The following USH2A variants were observed in gnomAD, a reference collection of about 807,000 sequenced individuals.
The protein encoded by USH2A is usherin, also known as Usher syndrome 2A (autosomal recessive, mild).
Under a neutral mutation model 538.9 loss-of-function variants are expected in USH2A, and 443 were observed. That is an observed-to-expected ratio of 0.82 (90% CI 0.76 to 0.89). The LOEUF (loss-of-function observed/expected upper bound fraction) is 0.89. Ranked by LOEUF, USH2A falls within the 40% of genes least tolerant of loss-of-function variation. The pLI is 0.00. For synonymous variants in USH2A, 2,413 were observed against 2,273.5 expected, an observed-to-expected ratio of 1.06 and a Z score of -1.75; for missense variants, 6,633 against 6,324.8, an observed-to-expected ratio of 1.05 and a Z score of -1.65.
At chr1:216,158,985 T>A (rs1473300275) in intron 21 of USH2A, among the ~76,000 whole-genome samples, 2 of 152,208 alleles carry the variant, frequency 1.3e-5, no homozygotes, top group African/African-American at 4.8e-5. Flanking sequence ...CATGGTACTT[T>A]TAAACATTTC....
intron 58 of USH2A, among the ~76,000 whole-genome samples, chr1:215,753,204 C>T (rs1274822604): frequency 1.3e-5 from 2 of 152,100 alleles, no homozygotes; most frequent in Non-Finnish European, 2.9e-5. Flanking sequence ...CACTTTTACA[C>T]TGTTGGTGGG....
At chr1:216,060,339 A>G (rs1156552404) in intron 30 of USH2A, among the ~76,000 whole-genome samples, 1 of 152,230 alleles carries the variant, frequency 6.6e-6, no homozygotes, top group Non-Finnish European at 1.5e-5. Flanking sequence ...TTATTACAGT[A>G]GCCATGTAAA....
intron 54 of USH2A, among the ~76,000 whole-genome samples, chr1:215,780,628 T>G (rs538618292): frequency 6.6e-6 from 1 of 152,250 alleles, no homozygotes; most frequent in East Asian, 1.9e-4. Flanking sequence ...TGTCAAAACA[T>G]AGTTTTGGAC....
intron 35 of USH2A, among the ~76,000 whole-genome samples, chr1:215,978,282 T>A (rs1200406841): frequency 6.6e-6 from 1 of 152,162 alleles, no homozygotes; most frequent in Non-Finnish European, 1.5e-5. Context: ...TTAGAGGGGC[T>A]AACCCATTTT....
rs1432884333 is a variant in USH2A at position 216,393,529 on chromosome 1, T to A, written c.651+24985A>T. On this transcript the variant is annotated intron_variant, in intron 3 of 71. Transcript: ENST00000307340. ...TTTCCATGTGGCTTTTTATTATTTA[T>A]GAACTTAAACTCTTATGACTCTTGA... Among the ~76,000 whole-genome samples the A allele has an allele frequency of 2.6e-5, 4 of 152,322 alleles. No homozygotes were observed. In the East Asian group the frequency reaches 5.8e-4, roughly 22 times the overall value.
At chr1:215,804,800 T>C (rs1247350258) in intron 49 of USH2A, among the ~76,000 whole-genome samples, 6 of 152,126 alleles carry the variant, frequency 3.9e-5, no homozygotes, top group Non-Finnish European at 7.4e-5. Context: ...ACTCAAAGGA[T>C]TGTAAATCAT....
chr1:216,198,499 G>A lies in USH2A; in HGVS notation c.3897C>T (p.Ser1299=). The stretch of plus-strand genomic sequence containing the variant: ...ATGAATGAGGACTGAGCCAACCACT[G>A]CTCTGAAAAACTCGACTTTCCTCAG... ...TTSEESRVFQ[S]SGWLSPHSFV... Residue 1299 remains serine (S), a synonymous_variant, in exon 18 of 72, where the codon AGC becomes AGT. Transcript: ENST00000307340. 3 of 1,613,966 alleles carry A rather than the reference G, an allele frequency of 1.9e-6. No individual in the cohort carries two copies. The highest frequency in any genetic ancestry group is 2.5e-6 in the Non-Finnish European group (3 of 1,179,950).
intron 58 of USH2A, among the ~76,000 whole-genome samples, chr1:215,755,461 G>A (rs1166798645): frequency 6.6e-6 from 1 of 152,092 alleles, no homozygotes. Context: ...ATAGAAACAT[G>A]TTTTTATTAT....
At chr1:216,151,679 T>C (rs2033836385) in intron 21 of USH2A, among the ~76,000 whole-genome samples, 1 of 152,174 alleles carries the variant, frequency 6.6e-6, no homozygotes, top group South Asian at 2.1e-4. Flanking sequence ...GGCCTTGACT[T>C]ACTCAATGCT....
At chr1:216,115,424 C>T (rs999180529) in intron 21 of USH2A, among the ~76,000 whole-genome samples, 2 of 152,096 alleles carry the variant, frequency 1.3e-5, no homozygotes, top group East Asian at 1.9e-4. Flanking sequence ...GGATTACAGG[C>T]GTAAGCCATT....
At chr1:216,379,126 A>G (rs1571760023) in intron 3 of USH2A, among the ~76,000 whole-genome samples, 1 of 152,152 alleles carries the variant, frequency 6.6e-6, no homozygotes, top group African/African-American at 2.4e-5. Context: ...GATGGGAAAG[A>G]GCATGAGAAG....
rs758516141 is a variant in USH2A, at chr1:216,198,342, AG to A, written c.4053del (p.Trp1352GlyfsTer14). On this transcript the variant is annotated frameshift_variant, in exon 18 of 72. Transcript: ENST00000307340. LOFTEE classifies it high-confidence loss of function. ...AVNMAGSVSS[A>X]WVSERTGESA... is the part of the protein sequence containing the mutation. ...GATTCTCCCGTTCTTTCTGAGACCC[AG>A]GCAGAAGACACACTTCCAGCCATAT... The A allele has an allele frequency of 6.2e-7, 1 of 1,614,030 alleles. No homozygotes were observed. The highest frequency in any genetic ancestry group is 8.5e-7 in the Non-Finnish European group (1 of 1,179,956).
At chr1:215,658,485 C>A (rs1657335497) in intron 64 of USH2A, among the ~76,000 whole-genome samples, 2 of 152,180 alleles carry the variant, frequency 1.3e-5, no homozygotes, top group African/African-American at 4.8e-5. Flanking sequence ...ATTTATGCAA[C>A]TTGGTAAGTG....
intron 58 of USH2A, 88 bp from the exon 59 acceptor site, chr1:215,743,423 T>G: frequency 2.3e-6 from 1 of 437,764 alleles, no homozygotes; most frequent in Non-Finnish European, 3.6e-6. Context: ...TGTGTATATA[T>G]ATATAGACAC....
At chr1:216,074,206 T>A (rs796385741) in intron 27 of USH2A, among the ~76,000 whole-genome samples, 10 of 152,322 alleles carry the variant, frequency 6.6e-5, no homozygotes, top group African/African-American at 2.4e-4. Flanking sequence ...GGCTTTGAAT[T>A]ACATGCTATT....
At chr1:216,210,042 T>C (rs2035204871) in intron 15 of USH2A, among the ~76,000 whole-genome samples, 1 of 152,126 alleles carries the variant, frequency 6.6e-6, no homozygotes, top group Non-Finnish European at 1.5e-5. Context: ...ACCCTCATTT[T>C]AGAAGGAGTC....
chr1:215,827,666 G>A (rs1663193518), intron 47 of USH2A, among the ~76,000 whole-genome samples: 1 of 152,104 alleles, frequency 6.6e-6, no homozygotes, highest in Non-Finnish European at 1.5e-5. Context: ...ACTTAGTGTA[G>A]TCCAAATTCT....
intron 64 of USH2A, among the ~76,000 whole-genome samples, chr1:215,652,409 G>A (rs538552626): frequency 1.3e-5 from 2 of 152,352 alleles, no homozygotes; most frequent in South Asian, 2.1e-4. Context: ...AGGTTAAGGT[G>A]TCTTAGCTTG....
chr1:216,226,156 A>G (rs2035556354), intron 14 of USH2A, among the ~76,000 whole-genome samples: 1 of 152,192 alleles, frequency 6.6e-6, no homozygotes, highest in African/African-American at 2.4e-5. Context: ...GCAATCATAA[A>G]TCAGTTTTAT....
Sources: allele counts gnomAD v4.1 joint callset (sites outside exome capture counted in the v4.1 genomes callset), GRCh38; gene constraint gnomAD v4.1.1; transcripts MANE v1.5; gene names NCBI Gene and HGNC (gene_info 2026-07-23, HGNC 2026-07-21).